The following PITPNM2 variants were observed in gnomAD, a reference collection of about 807,000 sequenced individuals.
PITPNM2 encodes membrane-associated phosphatidylinositol transfer protein 2.
Under a neutral mutation model 132.2 loss-of-function variants are expected in PITPNM2, and 35 were observed. The observed-to-expected ratio is 0.26, with a 90% CI of 0.20 to 0.35. The LOEUF (loss-of-function observed/expected upper bound fraction) is 0.35, where lower values mean the gene tolerates loss of function less well. Ranked by LOEUF, PITPNM2 falls within the 10% of genes least tolerant of loss-of-function variation. PITPNM2 has a pLI of 1.00. For missense variants in PITPNM2, 1,332 were observed against 1,912.0 expected, an observed-to-expected ratio of 0.70 and a Z score of 5.66; for synonymous variants, 738 against 799.2, an observed-to-expected ratio of 0.92 and a Z score of 1.29.
Position 122,995,603 on chromosome 12 carries a change from C to G in PITPNM2, c.1840G>C (p.Gly614Arg). Reference protein sequence around the residue: ...LMNAAHCCGGGGGGGGGGGSS... With the variant: ...LMNAAHCCGGRGGGGGGGGSS... ...CCACCACCGCCACCGCCGCCACCGC[C>G]ACCACCGCAGCAGTGTGCTGCATTC... Residue 614 changes from glycine to arginine, a missense_variant, in exon 14 of 26, where the codon GGC becomes CGC. Physicochemically the swap from Gly to Arg is moderately radical, Grantham distance 125 (BLOSUM62 -2). Transcript: ENST00000320201. 6.2e-7 allele frequency: 1 copy of G among 1,605,228 alleles called. No individual in the cohort carries two copies. Among genetic ancestry groups the G allele is most frequent in the Non-Finnish European group, 8.5e-7 (1 of 1,179,394 alleles).
chr12:123,041,256 G>C (rs1267542791), intron 2 of PITPNM2, among the ~76,000 whole-genome samples: 1 of 152,232 alleles, frequency 6.6e-6, no homozygotes, highest in Admixed American at 6.5e-5. Flanking sequence ...CAACTAGCAA[G>C]AGTGAACAAC....
At chr12:123,056,871 A>C (rs1199606328) in intron 2 of PITPNM2, among the ~76,000 whole-genome samples, 1 of 152,140 alleles carries the variant, frequency 6.6e-6, no homozygotes, top group East Asian at 1.9e-4. Context: ...CAGACCCAGG[A>C]GGTGGCAGTT....
intron 1 of PITPNM2, among the ~76,000 whole-genome samples, chr12:123,127,016 G>A (rs928661251): frequency 1.3e-5 from 2 of 152,238 alleles, no homozygotes; most frequent in African/African-American, 4.8e-5. Context: ...GCCAGGGCAA[G>A]GGACCACAAA....
chr12:123,076,455 C>G (rs1036312085), intron 2 of PITPNM2, among the ~76,000 whole-genome samples: 1 of 152,208 alleles, frequency 6.6e-6, no homozygotes, highest in African/African-American at 2.4e-5. Context: ...GGAGTCCTGT[C>G]TCAGGCCACC....
chr12:123,049,912 A>C (rs1349663925), intron 2 of PITPNM2, among the ~76,000 whole-genome samples: 1 of 152,254 alleles, frequency 6.6e-6, no homozygotes, highest in Non-Finnish European at 1.5e-5. Context: ...TTCACAAAAA[A>C]ACCCTCTGCA....
chr12:122,987,169 C>T (rs1039340407), intron 23 of PITPNM2, 112 bp downstream of exon 23: 37 of 1,479,504 alleles, frequency 2.5e-5, no homozygotes, highest in African/African-American at 1.2e-4. Context: ...GCCCAGTGCC[C>T]GAGCCAGGCG....
chr12:122,998,650 G>C (rs561168440), intron 10 of PITPNM2, among the ~76,000 whole-genome samples: 165 of 152,162 alleles, frequency 1.1e-3, no homozygotes, highest in Non-Finnish European at 1.8e-3. Context: ...GGAGAGTCCT[G>C]CCTCCAAGAA....
chr12:123,010,198 C>T (rs2039126091), intron 5 of PITPNM2, 121 bp from the exon 6 acceptor site: 3 of 787,396 alleles, frequency 3.8e-6, no homozygotes, highest in African/African-American at 3.5e-5. Context: ...CCAGAGGGAC[C>T]CTGGGAGTGA....
chr12:123,127,194 G>A lies in PITPNM2; in HGVS notation c.-199-16706C>T, dbSNP rs11057162. On this transcript the variant is annotated intron_variant, in intron 1 of 25. Coordinates refer to ENST00000320201, the MANE Select transcript of PITPNM2 (RefSeq NM_020845.3). ...AATGTGTTCAAAACATTCTGGAAGAGTCCTCAGAATAACCCCACTGAGAGA... is the reference window on the plus strand; with the variant it reads ...AATGTGTTCAAAACATTCTGGAAGAATCCTCAGAATAACCCCACTGAGAGA... Among the ~76,000 whole-genome samples the A allele has an allele frequency of 0.026, 3,930 of 152,300 alleles. 434 individuals are homozygous for A. The East Asian group carries it at 0.36, about 14-fold the overall frequency.
chr12:123,024,273 G>A (rs958324888), intron 3 of PITPNM2, among the ~76,000 whole-genome samples: 1 of 152,188 alleles, frequency 6.6e-6, no homozygotes, highest in African/African-American at 2.4e-5. Context: ...ACACACAGCA[G>A]CAAGTGTTGT....
chr12:123,139,374 G>A (rs898797544), intron 1 of PITPNM2, among the ~76,000 whole-genome samples: 3 of 151,756 alleles, frequency 2.0e-5, no homozygotes, highest in Non-Finnish European at 2.9e-5. Flanking sequence ...GGTGGCGGGC[G>A]CCTGTAGTCC....
chr12:123,117,844 G>A lies in PITPNM2; in HGVS notation c.-199-7356C>T, dbSNP rs921414238. ...CCCCCTGGACTCTAGGTGAGGCTAC[G>A]GGACTAGTTATATGAGTAGGGGAGG... On this transcript the variant is annotated intron_variant, in intron 1 of 25. Coordinates refer to ENST00000320201, the MANE Select transcript of PITPNM2 (RefSeq NM_020845.3). The surrounding 1 kb of genome is among the most constrained non-coding windows in gnomAD (Gnocchi z 4.7). 1.1e-4 allele frequency among the ~76,000 whole-genome samples: 17 copies of A among 152,304 alleles called. No individual in the cohort carries two copies. The highest frequency in any genetic ancestry group is 4.1e-4 in the African/African-American group (17 of 41,564).
At chr12:123,129,767 G>C (rs1485468602) in intron 1 of PITPNM2, among the ~76,000 whole-genome samples, 1 of 152,090 alleles carries the variant, frequency 6.6e-6, no homozygotes, top group Non-Finnish European at 1.5e-5. Flanking sequence ...GGAACACAGA[G>C]ACACAGAAAA....
At chr12:123,093,472 ACACACACACACGCG>A (rs1367584543) in intron 2 of PITPNM2, among the ~76,000 whole-genome samples, 2 of 149,960 alleles carry the variant, frequency 1.3e-5, no homozygotes, top group Non-Finnish European at 2.9e-5. Flanking sequence ...ACACACACGC[ACACACACACACGCG>A]CACACACACA....
intron 1 of PITPNM2, 137 bp from the exon 2 acceptor site, chr12:123,110,625 T>C (rs954450315): frequency 2.6e-5 from 4 of 152,256 alleles, no homozygotes; most frequent in Middle Eastern, 3.2e-3. Context: ...GGTGTCTCCA[T>C]TTTACAAAGG....
At chr12:123,080,660 G>A (rs1427287165) in intron 2 of PITPNM2, among the ~76,000 whole-genome samples, 1 of 152,210 alleles carries the variant, frequency 6.6e-6, no homozygotes, top group Non-Finnish European at 1.5e-5. Context: ...AGTCAGCTGG[G>A]CAGGGAGACA....
intron 2 of PITPNM2, among the ~76,000 whole-genome samples, chr12:123,053,655 C>T (rs1342952208): frequency 6.6e-6 from 1 of 151,452 alleles, no homozygotes; most frequent in Non-Finnish European, 1.5e-5. Context: ...AAAACCTCCA[C>T]CTCCTGGGTT....
rs1310668247 is a variant in PITPNM2, at chr12:123,023,115, C to T, written c.79-9073G>A. Among the ~76,000 whole-genome samples the T allele has an allele frequency of 2.0e-5, 3 of 152,246 alleles. No homozygotes were observed. Among genetic ancestry groups the T allele is most frequent in the Non-Finnish European group, 1.5e-5 (1 of 68,040 alleles). On this transcript the variant is annotated intron_variant, in intron 3 of 25. Transcript: ENST00000320201. The surrounding 1 kb of genome is among the most constrained non-coding windows in gnomAD (Gnocchi z 4.8). ...GTTCGAAGCACAGGCTGGGCTGGGG[C>T]CAGCTCACTGGAGGGAGGGGACAGC...
intron 2 of PITPNM2, among the ~76,000 whole-genome samples, chr12:123,101,910 T>A (rs2137238008): frequency 6.6e-6 from 1 of 152,284 alleles, no homozygotes; most frequent in East Asian, 1.9e-4. Context: ...ATTAAAAAAT[T>A]AGCTGGGTGT....
Sources: gnomAD v4.1 joint callset for allele counts (sites outside exome capture counted in the v4.1 genomes callset) on GRCh38, gnomAD v4.1.1 for gene constraint, Gnocchi (gnomAD v3.1) non-coding constraint, MANE v1.5 for transcripts, NCBI Gene and HGNC (gene_info 2026-07-23, HGNC 2026-07-21) for gene names.